CCDC93: variants seen among roughly 807,000 people sequenced by gnomAD.
CCDC93 encodes CCC complex scaffolding subunit CCDC93.
A neutral mutation model predicts 108.2 loss-of-function variants in CCDC93; 61 were observed. The ratio of observed to expected loss-of-function variants is 0.56; its 90% CI spans 0.46 to 0.70. CCDC93 has a LOEUF of 0.70. Ranked by LOEUF, CCDC93 falls within the 30% of genes least tolerant of loss-of-function variation. The pLI is 0.00. For missense variants in CCDC93, 685 were observed against 764.2 expected, an observed-to-expected ratio of 0.90 and a Z score of 1.22; for synonymous variants, 276 against 260.4, an observed-to-expected ratio of 1.06 and a Z score of -0.58.
intron 13 of CCDC93, chr2:117,949,963 G>C: frequency 1.0e-6 from 1 of 985,442 alleles, no homozygotes; most frequent in African/African-American, 1.7e-5. Flanking sequence ...TAGCCACATA[G>C]GCTAGGCAAT....
At chr2:117,945,616 T>A in intron 16 of CCDC93, 34 bp from the exon 17 acceptor site, 1 of 1,587,858 alleles carries the variant, frequency 6.3e-7, no homozygotes, top group Non-Finnish European at 8.6e-7. Flanking sequence ...ACACCTCTCC[T>A]GAGCATTCGG....
Position 117,918,323 on chromosome 2 carries a change from A to G in CCDC93, c.*2020T>C, listed in dbSNP as rs529714582. The G allele has an allele frequency of 7.2e-5, 11 of 152,348 alleles. No individual in the cohort carries two copies. Among genetic ancestry groups the G allele is most frequent in the African/African-American group, 2.6e-4 (11 of 41,574 alleles). The allele number at this position is 152,348 out of a possible 1,614,324, so 9.4% of individuals were successfully genotyped here. ...GTAGTAGGCCTTGTCGATAAAAAAA[A>G]AAAGGGAATAGAGATCTATGGACAC... On this transcript the variant is annotated 3_prime_UTR_variant, in exon 24 of 24. Transcript: ENST00000376300.
intron 13 of CCDC93, chr2:117,949,918 G>C: frequency 1.0e-6 from 1 of 985,402 alleles, no homozygotes; most frequent in Non-Finnish European, 1.2e-6. Context: ...ACGTAGGAAG[G>C]ACTGGTGTGC....
chr2:118,006,945 AGAGAGT>A, intron 2 of CCDC93, 129 bp from the exon 3 acceptor site: 1 of 629,542 alleles, frequency 1.6e-6, no homozygotes, highest in Non-Finnish European at 2.9e-6. Flanking sequence ...ATCTTGAGAG[AGAGAGT>A]GTGTGTCCTC....
At position 117,950,200 on chromosome 2, in the gene CCDC93, A is replaced by C. The variant is rs990345112; in HGVS notation, c.1069-805T>G. Reference sequence around the variant, plus strand: ...ACAGAGGTGGTAACCCGAAATTTTAAAATTAAAGATGAACATATAACCAAG... The same window carrying C: ...ACAGAGGTGGTAACCCGAAATTTTACAATTAAAGATGAACATATAACCAAG... On this transcript the variant is annotated intron_variant, in intron 13 of 23. Coordinates refer to ENST00000376300, the MANE Select transcript of CCDC93 (RefSeq NM_019044.5). 4.1e-6 allele frequency: 4 copies of C among 985,314 alleles called. No homozygotes were observed. The African/African-American group carries it at 5.2e-5, about 13-fold the overall frequency. The allele number at this position is 985,314 out of a possible 1,614,324, so 61.0% of individuals were successfully genotyped here.
In CCDC93 at chr2:117,916,694, T is replaced by C. The variant is rs1573449073; in HGVS notation, c.*3649A>G. Reference sequence around the variant, plus strand: ...ACGGATGTAAGGCTGGCGTGGAACATCCACGGTATTCCCTGTGTTGTCAAG... The same window carrying C: ...ACGGATGTAAGGCTGGCGTGGAACACCCACGGTATTCCCTGTGTTGTCAAG... On this transcript the variant is annotated 3_prime_UTR_variant, in exon 24 of 24. Coordinates refer to ENST00000376300, the MANE Select transcript of CCDC93 (RefSeq NM_019044.5). The C allele has an allele frequency of 6.6e-6, 1 of 152,202 alleles. No individual in the cohort carries two copies. The highest frequency in any genetic ancestry group is 1.9e-4 in the East Asian group (1 of 5,200). The allele number at this position is 152,202 out of a possible 1,614,324, so 9.4% of individuals were successfully genotyped here.
intron 13 of CCDC93, chr2:117,950,574 C>T: frequency 1.0e-6 from 1 of 985,344 alleles, no homozygotes; most frequent in South Asian, 4.7e-5. Context: ...ACTAGGTTAT[C>T]CTGGAAGGGC....
At chr2:117,941,728 C>T (rs1451455418) in intron 18 of CCDC93, among the ~76,000 whole-genome samples, 1 of 152,198 alleles carries the variant, frequency 6.6e-6, no homozygotes, top group African/African-American at 2.4e-5. Flanking sequence ...ATTCCTCATC[C>T]TGGTTAAAAA....
At chr2:118,002,544 T>TC (rs1676732580) in intron 3 of CCDC93, among the ~76,000 whole-genome samples, 1 of 152,140 alleles carries the variant, frequency 6.6e-6, no homozygotes, top group Non-Finnish European at 1.5e-5. Flanking sequence ...ACCCCACTGA[T>TC]CATAAGATCA....
chr2:117,931,948 G>A (rs1678348678), intron 22 of CCDC93, among the ~76,000 whole-genome samples: 1 of 152,212 alleles, frequency 6.6e-6, no homozygotes, highest in African/African-American at 2.4e-5. Context: ...CTCTCACAGA[G>A]CATACATTCT....
rs61480690 is a variant in CCDC93 at position 117,920,531 on chromosome 2, C to T, written c.1843-135G>A. On this transcript the variant is annotated intron_variant, in intron 23 of 23. Coordinates refer to ENST00000376300, the MANE Select transcript of CCDC93 (RefSeq NM_019044.5). ...CCAACCCAGTCTCTTGGCATGCTGCCGCCAGGATGGTGAAGCTTCCTGATG... is the reference window on the plus strand; with the variant it reads ...CCAACCCAGTCTCTTGGCATGCTGCTGCCAGGATGGTGAAGCTTCCTGATG... 1.3e-3 allele frequency: 692 copies of T among 513,018 alleles called. 3 individuals carry two copies. Among genetic ancestry groups the T allele is most frequent in the African/African-American group, 0.011 (589 of 53,114 alleles). 31.8% of individuals were successfully genotyped at this position (513,018 alleles called of 1,614,324 possible). A position where few individuals can be genotyped will look rare whatever the true frequency, so the allele number is the denominator to read the frequency against.
At chr2:117,925,932 T>A (rs1488832988) in intron 23 of CCDC93, among the ~76,000 whole-genome samples, 1 of 152,094 alleles carries the variant, frequency 6.6e-6, no homozygotes, top group Non-Finnish European at 1.5e-5. Context: ...CAGACCACAG[T>A]GCAATCAAAC....
At chr2:117,978,168 G>A in intron 7 of CCDC93, 138 bp from the exon 8 acceptor site, 5 of 742,324 alleles carry the variant, frequency 6.7e-6, no homozygotes, top group Non-Finnish European at 1.2e-5. Flanking sequence ...AACGTTACAA[G>A]TGCCTAAATT....
chr2:118,007,959 A>G (rs918646147), intron 2 of CCDC93, among the ~76,000 whole-genome samples: 5 of 152,218 alleles, frequency 3.3e-5, no homozygotes, highest in African/African-American at 4.8e-5. Flanking sequence ...CACTTTCTGC[A>G]TCATGCCATT....
chr2:117,939,325 G>A (rs1192018112), intron 19 of CCDC93, among the ~76,000 whole-genome samples: 2 of 152,178 alleles, frequency 1.3e-5, no homozygotes, highest in African/African-American at 4.8e-5. Context: ...GACCCAGGTG[G>A]TGACAGTGAG....
At chr2:117,966,423 A>G (rs917349204) in intron 11 of CCDC93, among the ~76,000 whole-genome samples, 6 of 152,234 alleles carry the variant, frequency 3.9e-5, no homozygotes, top group African/African-American at 1.4e-4. Flanking sequence ...GGGCCATTTG[A>G]GTCCCCCACT....
chr2:117,974,218 C>A (rs908327002), intron 10 of CCDC93, among the ~76,000 whole-genome samples: 1 of 152,090 alleles, frequency 6.6e-6, no homozygotes, highest in Non-Finnish European at 1.5e-5. Context: ...GGTGCTAAAT[C>A]CTCCTCGGAC....
At chr2:117,972,491 A>AAG (rs372307048) in intron 11 of CCDC93, among the ~76,000 whole-genome samples, 28 of 152,276 alleles carry the variant, frequency 1.8e-4, no homozygotes, top group African/African-American at 6.7e-4. Flanking sequence ...AAAGTGTGGA[A>AAG]AGAGAGATGC....
intron 22 of CCDC93, 106 bp downstream of exon 22, chr2:117,935,389 A>C: frequency 1.3e-6 from 1 of 774,314 alleles, no homozygotes; most frequent in Non-Finnish European, 2.2e-6. Flanking sequence ...TCTTTTCAGG[A>C]TTGAGGGCAC....
Sources: allele counts gnomAD v4.1 joint callset (sites outside exome capture counted in the v4.1 genomes callset), GRCh38; gene constraint gnomAD v4.1.1; transcripts MANE v1.5; gene names NCBI Gene and HGNC (gene_info 2026-07-23, HGNC 2026-07-21).